CREG2: variants seen among roughly 807,000 people sequenced by gnomAD.
The protein encoded by CREG2 is cellular repressor of E1A stimulated genes 2.
CREG2 carries 24 observed loss-of-function variants against 26.2 expected under a neutral mutation model. The ratio of observed to expected loss-of-function variants is 0.92; its 90% CI spans 0.66 to 1.29. The LOEUF (loss-of-function observed/expected upper bound fraction) is 1.29. CREG2 is among the 50% of genes most tolerant of loss of function. The pLI, the probability that CREG2 is intolerant of heterozygous loss-of-function variation, is 0.00. For missense variants in CREG2, 366 were observed against 398.6 expected (o/e 0.92, Z 0.70); for synonymous variants, 174 against 169.2 (o/e 1.03, Z -0.22).
At chr2:101,376,809 A>C (rs1329155648) in intron 2 of CREG2, among the ~76,000 whole-genome samples, 1 of 152,234 alleles carries the variant, frequency 6.6e-6, no homozygotes, top group Non-Finnish European at 1.5e-5. Flanking sequence ...AATAATGGAC[A>C]GAGGGAAATA....
chr2:101,368,498 A>C (rs765103435), intron 2 of CREG2, among the ~76,000 whole-genome samples: 1 of 152,164 alleles, frequency 6.6e-6, no homozygotes, highest in Non-Finnish European at 1.5e-5. Flanking sequence ...TGCAGACAGC[A>C]AGAAAGACGT....
chr2:101,384,929 G>A (rs185635008), intron 1 of CREG2, among the ~76,000 whole-genome samples: 87 of 151,638 alleles, frequency 5.7e-4, no homozygotes, highest in Admixed American at 1.4e-3. Context: ...TTCTTGCCAT[G>A]TGATCACTGC....
At chr2:101,361,143 A>T (rs1366911652) in intron 2 of CREG2, among the ~76,000 whole-genome samples, 3 of 152,320 alleles carry the variant, frequency 2.0e-5, no homozygotes, top group Admixed American at 6.5e-5. Context: ...TTGCTTCTCT[A>T]CTGTGGGTAA....
At chr2:101,384,372 T>G (rs1311407305) in intron 1 of CREG2, among the ~76,000 whole-genome samples, 3 of 152,154 alleles carry the variant, frequency 2.0e-5, no homozygotes, top group African/African-American at 4.8e-5. Flanking sequence ...GATCACCCAC[T>G]AGGGTGGGAG....
rs114230249 is a variant in CREG2, at chr2:101,363,054, C to A, written c.612-7688G>T. ...TCTGCTGGGTGAAATGCTTGCATAC[C>A]CAGCCAGGAGCTTCTTTTAACCTTT... On this transcript the variant is annotated intron_variant, in intron 2 of 3. Coordinates refer to ENST00000324768, the MANE Select transcript of CREG2 (RefSeq NM_153836.4). Among the ~76,000 whole-genome samples, 450 of 152,302 alleles carry A rather than the reference C, an allele frequency of 3.0e-3. 3 individuals are homozygous for A. Among genetic ancestry groups the A allele is most frequent in the African/African-American group, 0.01 (427 of 41,556 alleles).
At chr2:101,368,167 G>A (rs7420684) in intron 2 of CREG2, among the ~76,000 whole-genome samples, 127,579 of 151,396 alleles carry the variant, frequency 0.84, 54,515 homozygotes, top group East Asian at 1. Context: ...GTGCACCTGT[G>A]TTCCCAGCTA....
At position 101,345,798 on chromosome 2, in the gene CREG2, A is replaced by G. The variant is rs564188529; in HGVS notation, c.*5125T>C. On this transcript the variant is annotated 3_prime_UTR_variant, in exon 4 of 4. Transcript: ENST00000324768. The stretch of plus-strand genomic sequence containing the variant: ...AGTATTTGATAGTTCAATTATTTAA[A>G]TAAATACAGACTTTTTGGAAAAATT... 1 of 152,152 alleles carries G rather than the reference A, an allele frequency of 6.6e-6. No homozygotes were observed. The highest frequency in any genetic ancestry group is 6.5e-5 in the Admixed American group (1 of 15,284). 9.4% of individuals were successfully genotyped at this position (152,152 alleles called of 1,614,324 possible).
intron 3 of CREG2, 71 bp from the exon 4 acceptor site, chr2:101,351,141 G>A (rs747161524): frequency 3.0e-5 from 45 of 1,479,256 alleles, no homozygotes; most frequent in Non-Finnish European, 3.9e-5. Context: ...CAAGTCATAG[G>A]ACCTCCAGAG....
chr2:101,363,883 C>CACACAG (rs1491494037), intron 2 of CREG2, among the ~76,000 whole-genome samples: 2 of 147,898 alleles, frequency 1.4e-5, no homozygotes, highest in African/African-American at 4.9e-5. Context: ...CACACACACA[C>CACACAG]AGACACACAC....
chr2:101,386,711 G>A (rs1684971603), intron 1 of CREG2, among the ~76,000 whole-genome samples: 1 of 152,050 alleles, frequency 6.6e-6, no homozygotes, highest in Non-Finnish European at 1.5e-5. Context: ...TCTAGGTCTC[G>A]GTCGGACGCT....
chr2:101,376,599 A>G (rs1164376371), intron 2 of CREG2, among the ~76,000 whole-genome samples: 1 of 152,144 alleles, frequency 6.6e-6, no homozygotes, highest in Non-Finnish European at 1.5e-5. Flanking sequence ...ATCTTTGAGG[A>G]AAAAGGTTTG....
Position 101,352,427 on chromosome 2 carries a change from C to A in CREG2, c.726-1357G>T, listed in dbSNP as rs1037262905. Among the ~76,000 whole-genome samples, 4 of 152,186 alleles carry A rather than the reference C, an allele frequency of 2.6e-5. No individual in the cohort carries two copies. In the East Asian group the frequency reaches 7.7e-4, roughly 29 times the overall value. On this transcript the variant is annotated intron_variant, in intron 3 of 3. Coordinates refer to ENST00000324768, the MANE Select transcript of CREG2 (RefSeq NM_153836.4). ...TGGAAGTGGTGCTGGTGCAGCAAAC[C>A]CTAATCCATGGGGCACTGGCTCTGG... is the stretch of plus-strand genomic sequence containing the variant.
intron 3 of CREG2, among the ~76,000 whole-genome samples, chr2:101,352,047 AATT>A (rs776446276): frequency 8.4e-5 from 2 of 23,726 alleles, no homozygotes; most frequent in Non-Finnish European, 7.7e-5. Context: ...ATTTAAAAAA[AATT>A]TTTTTTTTTT....
rs1036429669 is a variant in CREG2 at position 101,345,757 on chromosome 2, G to A, written c.*5166C>T. 1 of 151,666 alleles carries A rather than the reference G, an allele frequency of 6.6e-6. No individual in the cohort carries two copies. The highest frequency in any genetic ancestry group is 2.4e-5 in the African/African-American group (1 of 41,256). 9.4% of individuals were successfully genotyped at this position (151,666 alleles called of 1,614,324 possible). ...AGCATCAATAAATTATCCTAGAGAG[G>A]TTTTATTTTCAGAACAGTATTTGAT... On this transcript the variant is annotated 3_prime_UTR_variant, in exon 4 of 4. Transcript: ENST00000324768.
intron 3 of CREG2, among the ~76,000 whole-genome samples, chr2:101,353,380 G>C (rs1399742127): frequency 1.3e-5 from 2 of 152,122 alleles, no homozygotes; most frequent in Non-Finnish European, 2.9e-5. Context: ...CATCATCACT[G>C]GTCATTAGAG....
chr2:101,385,329 A>G (rs1684950875), intron 1 of CREG2, among the ~76,000 whole-genome samples: 1 of 151,942 alleles, frequency 6.6e-6, no homozygotes, highest in Non-Finnish European at 1.5e-5. Context: ...TTACAGGTGC[A>G]TGCCACCATG....
rs151160465 is a variant in CREG2 at position 101,355,356 on chromosome 2, C to T, written c.622G>A (p.Val208Ile). 3.3e-5 allele frequency: 53 copies of T among 1,612,624 alleles called. No individual in the cohort carries two copies. The African/African-American group carries it at 4.9e-4, about 15-fold the overall frequency. The change falls in exon 3 of 4, where the codon GTT becomes ATT. Residue 208 changes from valine (V) to isoleucine (I), a missense_variant. Val to Ile is a conservative substitution (Grantham distance 29). This residue lies in a region of CREG2 where 174 missense variants were observed against 178.2 expected (regional missense o/e 0.98). Transcript: ENST00000324768. ...ACACATCGGGGATCTTCCGGATCAA[C>T]GATGTTTTTTCTGCATGTGAAAAAC... ...SEGEFCRKNI[V>I]DPEDPRCVQL...
At chr2:101,359,500 T>A (rs1026950742) in intron 2 of CREG2, among the ~76,000 whole-genome samples, 2 of 152,220 alleles carry the variant, frequency 1.3e-5, no homozygotes, top group African/African-American at 4.8e-5. Context: ...AAGTCGCTGA[T>A]CACCAACTTC....
At chr2:101,377,258 AAAAAG>A (rs1265034431) in intron 2 of CREG2, among the ~76,000 whole-genome samples, 1 of 152,218 alleles carries the variant, frequency 6.6e-6, no homozygotes, top group African/African-American at 2.4e-5. Context: ...TCTTAAAAAA[AAAAAG>A]AAATGTTTTT....
Sources: gnomAD v4.1 joint callset for allele counts (sites outside exome capture counted in the v4.1 genomes callset) on GRCh38, gnomAD v4.1.1 for gene constraint, gnomAD v4.1.1 regional missense constraint, MANE v1.5 for transcripts, NCBI Gene and HGNC (gene_info 2026-07-23, HGNC 2026-07-21) for gene names.